The following POTEC variants were observed in gnomAD, a reference collection of about 807,000 sequenced individuals.
POTEC encodes the protein ANKRD26-like family B member 2.
POTEC carries 35 observed loss-of-function variants against 62.0 expected under a neutral mutation model. The ratio of observed to expected loss-of-function variants is 0.56; its 90% confidence interval spans 0.43 to 0.75. POTEC has a LOEUF of 0.75. POTEC is among the 30% of genes least tolerant of loss of function. The pLI is 0.00. For synonymous variants in POTEC, 156 were observed against 221.5 expected, an observed-to-expected ratio of 0.70 and a Z score of 2.62; for missense variants, 472 against 655.9, an observed-to-expected ratio of 0.72 and a Z score of 3.06.
intron 7 of POTEC, among the ~76,000 whole-genome samples, chr18:14,524,362 C>T (rs1002950314): frequency 2.6e-5 from 4 of 152,112 alleles, no homozygotes; most frequent in African/African-American, 9.7e-5. Context: ...TGTCTTTAAC[C>T]TTGGTATCAG....
chr18:14,540,694 A>G (rs1185029544), intron 1 of POTEC, among the ~76,000 whole-genome samples: 1 of 152,176 alleles, frequency 6.6e-6, no homozygotes, highest in East Asian at 1.9e-4. Context: ...TTTCATATAG[A>G]TATTTCAGTA....
chr18:14,541,191 T>C (rs1353622541), intron 1 of POTEC, among the ~76,000 whole-genome samples: 7 of 152,232 alleles, frequency 4.6e-5, no homozygotes, highest in Middle Eastern at 3.4e-3. Context: ...GGCTGGCCTT[T>C]CATTCCTCTT....
At chr18:14,519,445 A>C (rs2143121558) in intron 9 of POTEC, among the ~76,000 whole-genome samples, 1 of 152,290 alleles carries the variant, frequency 6.6e-6, no homozygotes, top group East Asian at 1.9e-4. Context: ...GGCCGGGTGC[A>C]GTGGCTCACA....
Position 14,533,572 on chromosome 18 carries a change from G to A in POTEC, c.918-374C>T, listed in dbSNP as rs4102568. Among the ~76,000 whole-genome samples the A allele has an allele frequency of 1.2e-3, 190 of 152,252 alleles. 1 individual carries two copies. The highest frequency in any genetic ancestry group is 4.3e-3 in the African/African-American group (177 of 41,548). On this transcript the variant is annotated intron_variant, in intron 4 of 10. Transcript: ENST00000358970. ...GCTGTAATAGAAAATTAGCTAGGGG[G>A]TAAGATAAATAAGAGCTCTCTGCAT...
rs1044294682 is a variant in POTEC, at chr18:14,523,477, C to T, written c.1228G>A (p.Asp410Asn). Reference protein sequence around the residue: ...KMSQEPEINKDCDREVEEEIK... With the variant: ...KMSQEPEINKNCDREVEEEIK... ...TAAAGGTATACCTCTCTATCACAGT[C>T]CTTATTTATTTCTGGTTCTTGAGAC... The change falls in exon 8 of 11, where the codon GAC becomes AAC. Residue 410 changes from aspartate to asparagine, a missense_variant. By Grantham distance (23) the Asp-to-Asn change is conservative (BLOSUM62 1). This residue lies in a region of POTEC where 83 missense variants were observed against 254.3 expected (regional missense o/e 0.33). Transcript: ENST00000358970. 1 of 1,578,076 alleles carries T rather than the reference C, an allele frequency of 6.3e-7. No individual in the cohort carries two copies. The highest frequency in any genetic ancestry group is 1.4e-5 in the African/African-American group (1 of 72,996).
chr18:14,542,706 G>T lies in POTEC; in HGVS notation c.441C>A (p.Ala147=). The T allele has an allele frequency of 2.5e-6, 4 of 1,613,166 alleles. No homozygotes were observed. Among genetic ancestry groups the T allele is most frequent in the Non-Finnish European group, 3.4e-6 (4 of 1,179,900 alleles). ...REDLDKLHRA[A]WWGKVPRKDL... ...CCTTTCTGGGGACCTTACCCCACCA[G>T]GCAGCTCTGTGGAGCTTGTCCAGAT... is the stretch of plus-strand genomic sequence containing the variant. Residue 147 remains alanine, a synonymous_variant, in exon 1 of 11, where the codon GCC becomes GCA. Coordinates refer to ENST00000358970, the MANE Select transcript of POTEC (RefSeq NM_001137671.2).
At chr18:14,529,316 A>C (rs1272737996) in intron 6 of POTEC, among the ~76,000 whole-genome samples, 5 of 152,162 alleles carry the variant, frequency 3.3e-5, no homozygotes, top group Admixed American at 2.0e-4. Flanking sequence ...AGGACATTTA[A>C]TAGTTATTTG....
chr18:14,512,270 G>A (rs1275950623), intron 10 of POTEC, among the ~76,000 whole-genome samples: 1 of 152,054 alleles, frequency 6.6e-6, no homozygotes, highest in Non-Finnish European at 1.5e-5. Context: ...AAAACCCAGA[G>A]GCATAAAATA....
chr18:14,531,602 C>A (rs528014637), intron 5 of POTEC: 1 of 151,854 alleles, frequency 6.6e-6, no homozygotes, highest in Non-Finnish European at 1.5e-5. Flanking sequence ...TTTGGTGGCA[C>A]CCATTTTGCT....
intron 10 of POTEC, among the ~76,000 whole-genome samples, chr18:14,512,790 C>T (rs1477219579): frequency 6.6e-6 from 1 of 152,182 alleles, no homozygotes. Flanking sequence ...CACACACACA[C>T]ACACACGTAT....
chr18:14,536,448 G>C (rs1905716258), intron 3 of POTEC, among the ~76,000 whole-genome samples: 1 of 151,940 alleles, frequency 6.6e-6, no homozygotes, highest in Non-Finnish European at 1.5e-5. Context: ...GACCAGGCTA[G>C]ACTAGAACTC....
Position 14,508,276 on chromosome 18 carries a change from T to C in POTEC, c.*3622A>G, listed in dbSNP as rs1475914095. ...TTTGTTCATTCCCTTTCATTCTTTTTTCCCCCATTCTTGTTTGCCTGTTTT... is the reference window on the plus strand; with the variant it reads ...TTTGTTCATTCCCTTTCATTCTTTTCTCCCCCATTCTTGTTTGCCTGTTTT... On this transcript the variant is annotated 3_prime_UTR_variant, in exon 11 of 11. Transcript: ENST00000358970. 9 of 152,668 alleles carry C rather than the reference T, an allele frequency of 5.9e-5. No individual in the cohort carries two copies. Among genetic ancestry groups the C allele is most frequent in the African/African-American group, 1.2e-4 (5 of 41,456 alleles). 9.5% of individuals were successfully genotyped at this position (152,668 alleles called of 1,614,324 possible).
chr18:14,537,749 G>T (rs1197248583), intron 3 of POTEC, 52 bp downstream of exon 3: 15 of 1,600,036 alleles, frequency 9.4e-6, no homozygotes, highest in African/African-American at 1.3e-5. Flanking sequence ...ACAGGTCAAT[G>T]TTAACACGAA....
In POTEC at chr18:14,542,682, C is replaced by T. The variant is rs1250961403; in HGVS notation, c.465G>A (p.Lys155=). The change falls in exon 1 of 11, where the codon AAG becomes AAA. Residue 155 remains lysine, a synonymous_variant. Transcript: ENST00000358970. ...TGTCCCTGAGCATGACGATGAGATC[C>T]TTTCTGGGGACCTTACCCCACCAGG... ...RAAWWGKVPR[K]DLIVMLRDTD... is the part of the protein sequence containing the mutation. The T allele has an allele frequency of 2.5e-6, 4 of 1,613,066 alleles. No homozygotes were observed. Among genetic ancestry groups the T allele is most frequent in the Middle Eastern group, 1.9e-4 (1 of 5,324 alleles).
intron 5 of POTEC, chr18:14,531,533 A>G (rs1263735292): frequency 6.6e-6 from 1 of 152,096 alleles, no homozygotes; most frequent in African/African-American, 2.4e-5. Context: ...TTCAGCTCTA[A>G]ATCATCTCAC....
rs373938646 is a variant in POTEC, at chr18:14,510,876, G to T, written c.*1022C>A. On this transcript the variant is annotated 3_prime_UTR_variant, in exon 11 of 11. Coordinates refer to ENST00000358970, the MANE Select transcript of POTEC (RefSeq NM_001137671.2). The stretch of plus-strand genomic sequence containing the variant: ...GCTGAGTCATCCAAACAGCAAAGAT[G>T]ACAGTCTGGTCCTCCCCCTGGGAGC... 1.3e-5 allele frequency: 2 copies of T among 152,180 alleles called. No homozygotes were observed. Among genetic ancestry groups the T allele is most frequent in the Non-Finnish European group, 2.9e-5 (2 of 68,068 alleles). The allele number at this position is 152,180 out of a possible 1,614,324, so 9.4% of individuals were successfully genotyped here. A position where few individuals can be genotyped will look rare whatever the true frequency, so the allele number is the denominator to read the frequency against.
At chr18:14,515,387 A>C (rs1268023950) in intron 9 of POTEC, among the ~76,000 whole-genome samples, 2 of 152,176 alleles carry the variant, frequency 1.3e-5, no homozygotes, top group African/African-American at 4.8e-5. Context: ...CAACTCAGAA[A>C]AAAGGCCACT....
intron 1 of POTEC, among the ~76,000 whole-genome samples, chr18:14,541,016 G>A (rs1365667516): frequency 6.6e-6 from 1 of 152,058 alleles, no homozygotes; most frequent in Admixed American, 6.5e-5. Context: ...TCAGCCTCCT[G>A]AGTAGCTAAG....
chr18:14,522,533 ATC>A (rs1910338035), intron 8 of POTEC, 113 bp from the exon 9 acceptor site: 1 of 1,517,054 alleles, frequency 6.6e-7, no homozygotes, highest in African/African-American at 1.4e-5. Flanking sequence ...CATTAAAAAT[ATC>A]TCACACTTAA....
Sources: allele counts gnomAD v4.1 joint callset (sites outside exome capture counted in the v4.1 genomes callset), GRCh38; gene constraint gnomAD v4.1.1; regional missense constraint gnomAD v4.1.1; transcripts MANE v1.5; gene names NCBI Gene and HGNC (gene_info 2026-07-23, HGNC 2026-07-21).